PAH: variants seen among roughly 807,000 people sequenced by gnomAD.
PAH encodes the protein phenylalanine hydroxylase, also known as phenylalanine-4-hydroxylase.
PAH carries 64 observed loss-of-function variants against 62.0 expected under a neutral mutation model. The ratio of observed to expected loss-of-function variants is 1.03; its 90% CI spans 0.84 to 1.27. PAH has a LOEUF of 1.27. Ranked by LOEUF, PAH falls within the 50% of genes most tolerant of loss-of-function variation. PAH has a pLI of 0.00. For missense variants in PAH, 579 were observed against 542.8 expected, an observed-to-expected ratio of 1.07 and a Z score of -0.66; for synonymous variants, 195 against 196.2, an observed-to-expected ratio of 0.99 and a Z score of 0.05.
intron 12 of PAH, among the ~76,000 whole-genome samples, chr12:102,839,682 T>C (rs1874502086): frequency 6.6e-6 from 1 of 152,230 alleles, no homozygotes; most frequent in African/African-American, 2.4e-5. Context: ...GGCTTTTCAT[T>C]TGATTCTGAT....
In PAH at chr12:102,839,156, C is replaced by A. The variant is rs372637021; in HGVS notation, c.*19G>T. The stretch of plus-strand genomic sequence containing the variant: ...CATCAACAGATTCACAGCTGACAGA[C>A]CACATTCTGTCCATGGCTTTACTTT... On this transcript the variant is annotated 3_prime_UTR_variant, in exon 13 of 13. Coordinates refer to ENST00000553106, the MANE Select transcript of PAH (RefSeq NM_000277.3). The A allele has an allele frequency of 1.3e-3, 2,076 of 1,607,698 alleles. 15 individuals carry two copies. Among genetic ancestry groups the A allele is most frequent in the Middle Eastern group, 0.012 (71 of 6,056 alleles).
intron 5 of PAH, among the ~76,000 whole-genome samples, chr12:102,857,036 AAGG>A (rs1271189938): frequency 6.6e-6 from 1 of 152,260 alleles, no homozygotes; most frequent in East Asian, 1.9e-4. Context: ...CTCTGAGCTA[AAGG>A]AGGAAGTTCG....
At chr12:102,946,239 A>G (rs1467739285) in intron 1 of PAH, among the ~76,000 whole-genome samples, 1 of 152,160 alleles carries the variant, frequency 6.6e-6, no homozygotes, top group Non-Finnish European at 1.5e-5. Flanking sequence ...GAGGGGTGAG[A>G]CAAGCACTCC....
At chr12:102,927,347 A>T (rs951244589) in intron 1 of PAH, among the ~76,000 whole-genome samples, 1 of 148,658 alleles carries the variant, frequency 6.7e-6, no homozygotes, top group Non-Finnish European at 1.5e-5. Context: ...CTTGGCCCAG[A>T]TACTGCCTGG....
At chr12:102,851,347 G>A (rs1284891270) in intron 8 of PAH, among the ~76,000 whole-genome samples, 1 of 152,198 alleles carries the variant, frequency 6.6e-6, no homozygotes, top group Non-Finnish European at 1.5e-5. Context: ...CCCTGAAAAG[G>A]TAAGGGGAAT....
chr12:102,917,107 G>C lies in PAH; in HGVS notation c.24C>G (p.Asn8Lys). ...CAGAGAGTTTCCTGCCCAAGCCTGG[G>C]TTTTCCAGGACCGCAGTGGACATGC... is the stretch of plus-strand genomic sequence containing the variant. MSTAVLE[N>K]PGLGRKLSDF... The change falls in exon 1 of 13, where the codon AAC (asparagine) becomes AAG (lysine). Residue 8 changes from asparagine (N) to lysine (K), a missense_variant. Physicochemically the swap from Asn to Lys is moderately conservative, Grantham distance 94. Coordinates refer to ENST00000553106, the MANE Select transcript of PAH (RefSeq NM_000277.3). 1 of 1,614,220 alleles carries C rather than the reference G, an allele frequency of 6.2e-7. No homozygotes were observed. Among genetic ancestry groups the C allele is most frequent in the Non-Finnish European group, 8.5e-7 (1 of 1,180,042 alleles).
At chr12:102,941,320 C>G (rs1231323442) in intron 1 of PAH, among the ~76,000 whole-genome samples, 1 of 152,048 alleles carries the variant, frequency 6.6e-6, no homozygotes, top group Non-Finnish European at 1.5e-5. Flanking sequence ...ATTAAACTAG[C>G]ATGTAAGTAG....
At chr12:102,921,820 C>T (rs921510395), upstream of PAH, among the ~76,000 whole-genome samples, 3 of 152,180 alleles carry the variant, frequency 2.0e-5, no homozygotes, top group Non-Finnish European at 4.4e-5. Flanking sequence ...CCTATTTTAA[C>T]TTTCCGCTAG....
At chr12:102,946,607 GCCATGCGT>G (rs1207311652) in intron 1 of PAH, 1 of 152,520 alleles carries the variant, frequency 6.6e-6, no homozygotes, top group Non-Finnish European at 1.5e-5. Context: ...CTCTGTCCAT[GCCATGCGT>G]CCACTGCTGC....
chr12:102,939,056 G>A (rs1293694062), intron 1 of PAH, among the ~76,000 whole-genome samples: 2 of 151,982 alleles, frequency 1.3e-5, no homozygotes, highest in African/African-American at 4.8e-5. Context: ...ACATGCCTCA[G>A]CCACCATACA....
chr12:102,863,801 C>T (rs1331377540), intron 5 of PAH, among the ~76,000 whole-genome samples: 1 of 152,026 alleles, frequency 6.6e-6, no homozygotes, highest in East Asian at 1.9e-4. Flanking sequence ...GTAGAGCTCT[C>T]CTTTATGTTT....
intron 1 of PAH, among the ~76,000 whole-genome samples, chr12:102,932,803 T>C (rs1290803455): frequency 6.6e-6 from 1 of 151,218 alleles, no homozygotes; most frequent in Non-Finnish European, 1.5e-5. Context: ...TTTTTCATTA[T>C]TTTAATTTTT....
intron 11 of PAH, among the ~76,000 whole-genome samples, chr12:102,841,116 G>A (rs1460264623): frequency 6.6e-6 from 1 of 152,144 alleles, no homozygotes; most frequent in Non-Finnish European, 1.5e-5. Flanking sequence ...AAACAGGCTT[G>A]GGAAGGCTGC....
At chr12:102,930,966 A>G (rs1878849090) in intron 1 of PAH, among the ~76,000 whole-genome samples, 1 of 152,228 alleles carries the variant, frequency 6.6e-6, no homozygotes, top group Non-Finnish European at 1.5e-5. Flanking sequence ...ATGTTATAGA[A>G]AAAATAAATT....
intron 1 of PAH, among the ~76,000 whole-genome samples, chr12:102,932,821 AGTT>A (rs538048120): frequency 0.032 from 4,810 of 152,194 alleles, 263 homozygotes; most frequent in African/African-American, 0.11. Context: ...TTTAATTTTT[AGTT>A]GTTGTGAGTA....
At chr12:102,840,331 C>A in intron 12 of PAH, 69 bp downstream of exon 12, 1 of 933,640 alleles carries the variant, frequency 1.1e-6, no homozygotes, top group Non-Finnish European at 1.8e-6. Context: ...TTTCCTATGG[C>A]GATGGTAGGG....
chr12:102,954,527 G>T (rs1879857101), upstream of PAH, among the ~76,000 whole-genome samples: 1 of 152,144 alleles, frequency 6.6e-6, no homozygotes, highest in Non-Finnish European at 1.5e-5. Flanking sequence ...TATAATTACT[G>T]GCATAGGTGA....
intron 1 of PAH, among the ~76,000 whole-genome samples, chr12:102,930,169 A>C (rs1281109005): frequency 6.6e-6 from 1 of 152,190 alleles, no homozygotes; most frequent in Non-Finnish European, 1.5e-5. Context: ...CACACAGGCT[A>C]TCTGAGTCCA....
intron 5 of PAH, among the ~76,000 whole-genome samples, chr12:102,863,725 G>A (rs531223152): frequency 3.3e-5 from 5 of 152,282 alleles, no homozygotes; most frequent in Admixed American, 1.3e-4. Context: ...CAAATAATGA[G>A]ATGCTGAATC....
Sources: gnomAD v4.1 joint callset for allele counts (sites outside exome capture counted in the v4.1 genomes callset) on GRCh38, gnomAD v4.1.1 for gene constraint, MANE v1.5 for transcripts, NCBI Gene and HGNC (gene_info 2026-07-23, HGNC 2026-07-21) for gene names.